The following LAMA2 variants were observed in gnomAD, a reference collection of about 807,000 sequenced individuals.
The protein encoded by LAMA2 is laminin subunit alpha 2.
In LAMA2, 269 loss-of-function variants were observed where a neutral mutation model predicts 364.8. That is an observed-to-expected ratio of 0.74 (90% confidence interval 0.67 to 0.82). The LOEUF (loss-of-function observed/expected upper bound fraction) is 0.82. Among genes scored for constraint, LAMA2 ranks in the 40% least tolerant of loss-of-function variants. The pLI is 0.00. For missense variants in LAMA2, 3,807 were observed against 3,873.2 expected, an observed-to-expected ratio of 0.98 and a Z score of 0.45; for synonymous variants, 1,379 against 1,370.6, an observed-to-expected ratio of 1.01 and a Z score of -0.14.
At chr6:129,501,023 T>C (rs1295310395) in intron 58 of LAMA2, among the ~76,000 whole-genome samples, 2 of 152,184 alleles carry the variant, frequency 1.3e-5, no homozygotes, top group African/African-American at 4.8e-5. Flanking sequence ...GGTGTAAAGA[T>C]GTTTCAGTGA....
intron 12 of LAMA2, among the ~76,000 whole-genome samples, chr6:129,225,014 T>A (rs956250526): frequency 7.2e-5 from 11 of 152,210 alleles, no homozygotes; most frequent in African/African-American, 2.7e-4. Flanking sequence ...TTTCAGAGCC[T>A]GTTATTGGTC....
At position 129,460,030 on chromosome 6, in the gene LAMA2, C is replaced by T. The variant is rs561128126; in HGVS notation, c.6868-170C>T. ...GTTGTTGACTCATCCTGTAGTAGCT[C>T]TAAGGATACGGACAGACTATGATGA... On this transcript the variant is annotated intron_variant, in intron 48 of 64. Coordinates refer to ENST00000421865, the MANE Select transcript of LAMA2 (RefSeq NM_000426.4). Among the ~76,000 whole-genome samples, 9 of 152,084 alleles carry T rather than the reference C, an allele frequency of 5.9e-5. No homozygotes were observed. In the South Asian group the frequency reaches 1.9e-3, roughly 32 times the overall value.
intron 29 of LAMA2, among the ~76,000 whole-genome samples, chr6:129,329,365 T>C (rs1402034155): frequency 6.6e-6 from 1 of 151,996 alleles, no homozygotes. Context: ...ATCACCTTTT[T>C]GTTTTTTTTT....
In LAMA2 at chr6:129,025,258, T is replaced by A. The variant is rs187475046; in HGVS notation, c.113-24660T>A. On this transcript the variant is annotated intron_variant, in intron 1 of 64. Coordinates refer to ENST00000421865, the MANE Select transcript of LAMA2 (RefSeq NM_000426.4). ...ATCTTCCACTTCTAGTTACAAAAAATTTTTTTTTTCTCACTTGAGTCGTTT... is the reference window on the plus strand; with the variant it reads ...ATCTTCCACTTCTAGTTACAAAAAAATTTTTTTTTCTCACTTGAGTCGTTT... Among the ~76,000 whole-genome samples, 1,162 of 151,274 alleles carry A rather than the reference T, an allele frequency of 7.7e-3. 11 individuals are homozygous for A. The highest frequency in any genetic ancestry group is 0.014 in the South Asian group (68 of 4,776).
intron 40 of LAMA2, among the ~76,000 whole-genome samples, chr6:129,408,537 G>A (rs192091408): frequency 2.6e-5 from 4 of 152,292 alleles, no homozygotes; most frequent in Admixed American, 1.3e-4. Flanking sequence ...ATTGGGCGTA[G>A]GATGGGCAAA....
chr6:129,470,533 G>A (rs1783759623), intron 51 of LAMA2, among the ~76,000 whole-genome samples: 1 of 151,914 alleles, frequency 6.6e-6, no homozygotes, highest in African/African-American at 2.4e-5. Flanking sequence ...AGACCCCAGG[G>A]TAGGAGATTG....
intron 52 of LAMA2, 36 bp from the exon 53 acceptor site, chr6:129,475,354 A>AT: frequency 2.4e-6 from 3 of 1,235,780 alleles, no homozygotes; most frequent in South Asian, 1.4e-5. Flanking sequence ...AATTGTTTTT[A>AT]TTTTTGTTTT....
chr6:129,122,886 CCTT>C (rs1776878858), intron 4 of LAMA2, among the ~76,000 whole-genome samples: 1 of 152,106 alleles, frequency 6.6e-6, no homozygotes, highest in South Asian at 2.1e-4. Flanking sequence ...CGAGGCAATA[CCTT>C]CTTAACACTG....
At chr6:128,926,454 A>G (rs764097788) in intron 1 of LAMA2, among the ~76,000 whole-genome samples, 2 of 152,188 alleles carry the variant, frequency 1.3e-5, no homozygotes, top group Non-Finnish European at 2.9e-5. Context: ...ATTTGTTCTC[A>G]ATATTTAAAG....
At chr6:128,965,350 G>C (rs1177521644) in intron 1 of LAMA2, among the ~76,000 whole-genome samples, 1 of 151,890 alleles carries the variant, frequency 6.6e-6, no homozygotes, top group Non-Finnish European at 1.5e-5. Context: ...TTTTTCTCTT[G>C]TGCAAGTTTG....
intron 28 of LAMA2, among the ~76,000 whole-genome samples, 191 bp from the exon 29 acceptor site, chr6:129,328,087 C>T (rs758706170): frequency 2.6e-5 from 4 of 152,082 alleles, no homozygotes; most frequent in East Asian, 1.9e-4. Flanking sequence ...ACATGGATGC[C>T]GCCCGAACAC....
intron 46 of LAMA2, 120 bp downstream of exon 46, chr6:129,453,251 G>A: frequency 2.1e-6 from 2 of 952,136 alleles, no homozygotes; most frequent in Non-Finnish European, 3.3e-6. Context: ...TAGGCTTTCA[G>A]ATTTGAAAAC....
chr6:129,265,116 C>T (rs148520570), intron 15 of LAMA2, among the ~76,000 whole-genome samples: 2 of 152,146 alleles, frequency 1.3e-5, no homozygotes, highest in Non-Finnish European at 2.9e-5. Flanking sequence ...GAGAAGATAA[C>T]AGATGCTGGA....
intron 1 of LAMA2, among the ~76,000 whole-genome samples, chr6:128,922,706 A>C (rs1403525140): frequency 2.0e-3 from 297 of 151,622 alleles, no homozygotes; most frequent in African/African-American, 6.9e-3. Context: ...GAAGCTCTTT[A>C]GTTTAATTAG....
In LAMA2 at chr6:129,475,421, A is replaced by G. The variant is rs773997683; in HGVS notation, c.7451+20A>G. 1.9e-6 allele frequency: 3 copies of G among 1,572,286 alleles called. No homozygotes were observed. Among genetic ancestry groups the G allele is most frequent in the Non-Finnish European group, 2.6e-6 (3 of 1,150,990 alleles). On this transcript the variant is annotated intron_variant, in intron 53 of 64. Transcript: ENST00000421865. ...AGCAAGGTAAAATTTAAATTTATGC[A>G]TGCCTTCTTCGAGTGCATGGGTTGG...
intron 18 of LAMA2, among the ~76,000 whole-genome samples, chr6:129,281,396 C>T (rs767339923): frequency 6.6e-5 from 10 of 152,296 alleles, no homozygotes; most frequent in East Asian, 5.8e-4. Flanking sequence ...ATTAAATCCA[C>T]TTATCTAGGT....
chr6:129,158,902 A>G (rs1358586017), intron 8 of LAMA2: 1 of 1,608,272 alleles, frequency 6.2e-7, no homozygotes, highest in Non-Finnish European at 8.5e-7. Context: ...TGCATGTGTT[A>G]TTAATAGCAT....
intron 12 of LAMA2, among the ~76,000 whole-genome samples, chr6:129,195,677 G>C (rs1008409874): frequency 3.3e-5 from 5 of 152,094 alleles, no homozygotes; most frequent in African/African-American, 1.2e-4. Flanking sequence ...GCACCCACAG[G>C]GCTATCCTAG....
In LAMA2 at chr6:129,219,852, T is replaced by G. The variant is rs548190334; in HGVS notation, c.1782+26999T>G. On this transcript the variant is annotated intron_variant, in intron 12 of 64. Transcript: ENST00000421865. ...TGGGGTGGGGGGGAGGGGGGAGAGA[T>G]AGCATTAGGAGATGCTAAATGACGA... Among the ~76,000 whole-genome samples, 370 of 143,792 alleles carry G rather than the reference T, an allele frequency of 2.6e-3. 15 individuals are homozygous for G. Among genetic ancestry groups the G allele is most frequent in the African/African-American group, 9.6e-3 (333 of 34,694 alleles). The allele number at this position is 143,792 out of a possible 152,430, so 94.3% of individuals were successfully genotyped here.
Sources: gnomAD v4.1 joint callset for allele counts (sites outside exome capture counted in the v4.1 genomes callset) on GRCh38, gnomAD v4.1.1 for gene constraint, MANE v1.5 for transcripts, NCBI Gene and HGNC (gene_info 2026-07-23, HGNC 2026-07-21) for gene names.